The following ANAPC1 variants were observed in gnomAD, a reference collection of about 807,000 sequenced individuals.
ANAPC1 encodes the protein anaphase-promoting complex subunit 1.
A neutral mutation model predicts 208.0 loss-of-function variants in ANAPC1; 36 were observed. That is an observed-to-expected ratio of 0.17 (90% CI 0.13 to 0.23). ANAPC1 has a LOEUF of 0.23. Among genes scored for constraint, ANAPC1 ranks in the 10% least tolerant of loss-of-function variants. The pLI, the probability that ANAPC1 is intolerant of heterozygous loss-of-function variation, is 1.00. For missense variants in ANAPC1, 942 were observed against 2,011.6 expected (o/e 0.47, Z 10.17); for synonymous variants, 378 against 695.2 (o/e 0.54, Z 7.18).
chr2:111,839,788 T>A (rs1680663496), intron 17 of ANAPC1, among the ~76,000 whole-genome samples: 1 of 152,168 alleles, frequency 6.6e-6, no homozygotes, highest in African/African-American at 2.4e-5. Context: ...GTCCCTGCTA[T>A]AATTATCAGA....
In ANAPC1 at chr2:111,863,800, G is replaced by C. The variant is rs367592868; in HGVS notation, c.927C>G (p.Ser309=). The change falls in exon 9 of 48, where the codon TCC becomes TCG. Residue 309 remains serine (S), a synonymous_variant. Transcript: ENST00000341068. Reference sequence around the variant, plus strand: ...GTGAAGTCACAGGGGAATCTCCTTTGGAGAGGCTTCTGAGATGTGCTGTGA... The same window carrying C: ...GTGAAGTCACAGGGGAATCTCCTTTCGAGAGGCTTCTGAGATGTGCTGTGA... ...SSLTAHLRSL[S]KGDSPVTSPF... is the part of the protein sequence containing the mutation. 1 of 1,613,824 alleles carries C rather than the reference G, an allele frequency of 6.2e-7. No homozygotes were observed. The highest frequency in any genetic ancestry group is 8.5e-7 in the Non-Finnish European group (1 of 1,179,874).
At chr2:111,806,683 G>A (rs1208565328) in intron 29 of ANAPC1, among the ~76,000 whole-genome samples, 2 of 144,434 alleles carry the variant, frequency 1.4e-5, no homozygotes, top group Non-Finnish European at 3.0e-5. Context: ...CATTTATTTC[G>A]AGTGTATATA....
chr2:111,854,992 G>A (rs1338997918), intron 13 of ANAPC1, among the ~76,000 whole-genome samples: 2 of 152,228 alleles, frequency 1.3e-5, no homozygotes, highest in African/African-American at 2.4e-5. Context: ...CTTTCAACAC[G>A]CCTTCCTCAC....
intron 24 of ANAPC1, among the ~76,000 whole-genome samples, chr2:111,824,413 T>C (rs1042442439): frequency 3.3e-5 from 5 of 152,132 alleles, no homozygotes; most frequent in Non-Finnish European, 7.4e-5. Context: ...TTTCAGTTCT[T>C]TGTGAAAAAA....
chr2:111,824,206 A>G (rs895086394), intron 24 of ANAPC1, among the ~76,000 whole-genome samples: 1 of 144,758 alleles, frequency 6.9e-6, no homozygotes, highest in Non-Finnish European at 1.5e-5. Flanking sequence ...TATGTATACT[A>G]TGCAACAGTT....
At chr2:111,840,199 C>T (rs535503967) in intron 17 of ANAPC1, among the ~76,000 whole-genome samples, 25 of 150,804 alleles carry the variant, frequency 1.7e-4, no homozygotes, top group African/African-American at 5.8e-4. Flanking sequence ...TTAAAGAAAG[C>T]ACAAAGAAAT....
chr2:111,798,837 A>C (rs1346356045), intron 34 of ANAPC1, among the ~76,000 whole-genome samples: 1 of 152,274 alleles, frequency 6.6e-6, no homozygotes, highest in Non-Finnish European at 1.5e-5. Flanking sequence ...GATCGAGACC[A>C]TCTTGGCTAA....
chr2:111,880,524 G>C (rs141011981), intron 2 of ANAPC1, 89 bp downstream of exon 2: 16,863 of 1,481,306 alleles, frequency 0.011, 153 homozygotes, highest in Middle Eastern at 0.031. Context: ...GCATCACACC[G>C]ATCTCTCAGT....
At chr2:111,858,694 G>A (rs896933842) in intron 10 of ANAPC1, among the ~76,000 whole-genome samples, 2 of 151,558 alleles carry the variant, frequency 1.3e-5, no homozygotes, top group Non-Finnish European at 2.9e-5. Context: ...CCCAGGAGGC[G>A]GGGCTTGCAG....
chr2:111,834,170 T>C (rs1455561385), intron 19 of ANAPC1, among the ~76,000 whole-genome samples: 6 of 152,250 alleles, frequency 3.9e-5, no homozygotes, highest in African/African-American at 9.6e-5. Flanking sequence ...GAAAGACATT[T>C]AGGCAAGTTT....
chr2:111,868,681 C>T (rs1171006846), intron 6 of ANAPC1, among the ~76,000 whole-genome samples: 1 of 152,130 alleles, frequency 6.6e-6, no homozygotes, highest in Admixed American at 6.5e-5. Context: ...CAGGCACACG[C>T]CACCACGCCC....
chr2:111,824,088 A>G (rs1221038066), intron 24 of ANAPC1, among the ~76,000 whole-genome samples: 2 of 151,042 alleles, frequency 1.3e-5, no homozygotes, highest in East Asian at 3.9e-4. Flanking sequence ...AAGTCGATTA[A>G]CTATTGAGGC....
In ANAPC1 at chr2:111,843,718, T is replaced by C. The variant is rs1420296452; in HGVS notation, c.1853-119A>G. The C allele has an allele frequency of 3.7e-6, 3 of 807,442 alleles. No homozygotes were observed. The Admixed American group carries it at 9.1e-5, about 25-fold the overall frequency. The allele number at this position is 807,442 out of a possible 1,614,324, so 50.0% of individuals were successfully genotyped here. ...AGGCCAATTATTATGAAAAGAAAAC[T>C]GTCATTAAAGAGCCAATGAGATGCA... On this transcript the variant is annotated intron_variant, in intron 16 of 47. Coordinates refer to ENST00000341068, the MANE Select transcript of ANAPC1 (RefSeq NM_022662.4).
At chr2:111,840,357 CA>C (rs1398748583) in intron 17 of ANAPC1, among the ~76,000 whole-genome samples, 1 of 152,178 alleles carries the variant, frequency 6.6e-6, no homozygotes, top group Admixed American at 6.5e-5. Flanking sequence ...ACTATGAGGA[CA>C]AAAGATAACA....
At chr2:111,863,638 A>C (rs568859939) in intron 9 of ANAPC1, 37 bp downstream of exon 9, 2 of 1,579,246 alleles carry the variant, frequency 1.3e-6, no homozygotes, top group African/African-American at 1.4e-5. Flanking sequence ...AAAACAAAAC[A>C]GAAAGCTTAG....
intron 16 of ANAPC1, among the ~76,000 whole-genome samples, chr2:111,845,862 C>G (rs1316129936): frequency 6.6e-6 from 1 of 151,126 alleles, no homozygotes; most frequent in Non-Finnish European, 1.5e-5. Flanking sequence ...GTAGTCCCAG[C>G]TACTCGGGAG....
At chr2:111,792,964 A>G (rs1296243729) in intron 37 of ANAPC1, among the ~76,000 whole-genome samples, 1 of 152,148 alleles carries the variant, frequency 6.6e-6, no homozygotes, top group Non-Finnish European at 1.5e-5. Flanking sequence ...GAGAAAAAAA[A>G]AATCTGTAAA....
chr2:111,833,683 A>AAAAAAAAAAAAAC (rs1374902202), intron 19 of ANAPC1, among the ~76,000 whole-genome samples: 2 of 148,804 alleles, frequency 1.3e-5, no homozygotes, highest in Admixed American at 6.7e-5. Context: ...AAAATATGTA[A>AAAAAAAAAAAAAC]AAAAAAAAAA....
At chr2:111,827,034 C>T (rs1273319939) in intron 21 of ANAPC1, among the ~76,000 whole-genome samples, 1 of 97,442 alleles carries the variant, frequency 1.0e-5, no homozygotes, top group African/African-American at 4.4e-5. Flanking sequence ...GTATGTTTAA[C>T]TTCACAAGAA....
Sources: allele counts gnomAD v4.1 joint callset (sites outside exome capture counted in the v4.1 genomes callset), GRCh38; gene constraint gnomAD v4.1.1; transcripts MANE v1.5; gene names NCBI Gene and HGNC (gene_info 2026-07-23, HGNC 2026-07-21).